ADCY2: variants seen among roughly 807,000 people sequenced by gnomAD.
The protein encoded by ADCY2 is adenylate cyclase type 2.
ADCY2 carries 31 observed loss-of-function variants against 125.2 expected under a neutral mutation model. That is an observed-to-expected ratio of 0.25 (90% CI 0.19 to 0.33). The LOEUF (loss-of-function observed/expected upper bound fraction) is 0.33. Among genes scored for constraint, ADCY2 ranks in the 10% least tolerant of loss-of-function variants. The pLI is 1.00. For synonymous variants in ADCY2, 512 were observed against 548.4 expected (o/e 0.93, Z 0.93); for missense variants, 904 against 1,418.2 (o/e 0.64, Z 5.82).
intron 2 of ADCY2, among the ~76,000 whole-genome samples, chr5:7,424,254 C>T (rs1740311028): frequency 6.6e-6 from 1 of 152,222 alleles, no homozygotes; most frequent in Admixed American, 6.5e-5. Flanking sequence ...TTCCAAGGTC[C>T]TCCAGTAGCA....
At position 7,802,424 on chromosome 5, in the gene ADCY2, T is replaced by C. The variant is rs974149002; in HGVS notation, c.2775+60T>C. 1.9e-6 allele frequency: 3 copies of C among 1,567,342 alleles called. No individual in the cohort carries two copies. The highest frequency in any genetic ancestry group is 2.6e-6 in the Non-Finnish European group (3 of 1,155,808). The stretch of plus-strand genomic sequence containing the variant: ...TACACTCAGTCTCACACCTGTGCAC[T>C]TGAAGTTACTTCAGGATAGTGGCCT... On this transcript the variant is annotated intron_variant, in intron 21 of 24. Transcript: ENST00000338316. This position sits in a 1 kb window ranked among gnomAD's most constrained non-coding sequence, Gnocchi z 4.6.
chr5:7,734,866 A>G (rs147139419), intron 14 of ADCY2, among the ~76,000 whole-genome samples: 606 of 152,306 alleles, frequency 4.0e-3, no homozygotes, highest in African/African-American at 0.014. Context: ...GGGTGCCAGC[A>G]TGGGTGGGAT....
At chr5:7,660,626 G>T (rs1739495166) in intron 4 of ADCY2, among the ~76,000 whole-genome samples, 1 of 152,172 alleles carries the variant, frequency 6.6e-6, no homozygotes, top group Non-Finnish European at 1.5e-5. Flanking sequence ...GACATAGGTA[G>T]AATTTCCATT....
chr5:7,438,742 A>G (rs79424190), intron 2 of ADCY2, among the ~76,000 whole-genome samples: 2,586 of 152,300 alleles, frequency 0.017, 76 homozygotes, highest in African/African-American at 0.058. Context: ...TTGATGGTTA[A>G]TAAATCCTTT....
intron 4 of ADCY2, among the ~76,000 whole-genome samples, chr5:7,670,961 C>A (rs1439831640): frequency 6.6e-6 from 1 of 152,144 alleles, no homozygotes; most frequent in Non-Finnish European, 1.5e-5. Context: ...TATTCCATAT[C>A]CCATGTGATA....
chr5:7,425,988 G>A lies in ADCY2; in HGVS notation c.408+11218G>A, dbSNP rs115256060. Among the ~76,000 whole-genome samples, 673 of 152,226 alleles carry A rather than the reference G, an allele frequency of 4.4e-3. 7 individuals are homozygous for A. Among genetic ancestry groups the A allele is most frequent in the African/African-American group, 0.016 (655 of 41,512 alleles). ...TCAGGCCCAGCCTTTGTGTCATCTT[G>A]CTCACAACTGGTATTCCCAACCCCC... On this transcript the variant is annotated intron_variant, in intron 2 of 24. Coordinates refer to ENST00000338316, the MANE Select transcript of ADCY2 (RefSeq NM_020546.3).
intron 1 of ADCY2, among the ~76,000 whole-genome samples, chr5:7,400,964 G>A (rs1739241900): frequency 6.6e-6 from 1 of 152,184 alleles, no homozygotes; most frequent in South Asian, 2.1e-4. Flanking sequence ...TATATACATG[G>A]CACCTTCCTT....
chr5:7,566,564 C>T (rs1236293334), intron 3 of ADCY2, among the ~76,000 whole-genome samples: 1 of 152,074 alleles, frequency 6.6e-6, no homozygotes. Context: ...ATAGGACACT[C>T]CCAAACTCTG....
At chr5:7,656,491 T>C (rs1225405282) in intron 4 of ADCY2, among the ~76,000 whole-genome samples, 1 of 152,220 alleles carries the variant, frequency 6.6e-6, no homozygotes, top group Non-Finnish European at 1.5e-5. Flanking sequence ...GAAAATTAAT[T>C]GGGAAAATTC....
At chr5:7,643,940 C>A (rs111902008) in intron 4 of ADCY2, among the ~76,000 whole-genome samples, 9 of 151,806 alleles carry the variant, frequency 5.9e-5, no homozygotes, top group African/African-American at 2.2e-4. Context: ...TTCTGAGCAT[C>A]TTAGAATACC....
At chr5:7,408,970 G>A (rs1260357622) in intron 1 of ADCY2, among the ~76,000 whole-genome samples, 1 of 152,106 alleles carries the variant, frequency 6.6e-6, no homozygotes, top group Non-Finnish European at 1.5e-5. Flanking sequence ...CAAAGACATG[G>A]AATCAACCTA....
intron 16 of ADCY2, among the ~76,000 whole-genome samples, chr5:7,761,295 A>G (rs951710144): frequency 6.7e-6 from 1 of 148,422 alleles, no homozygotes; most frequent in Non-Finnish European, 1.5e-5. Context: ...GATTTCAGGC[A>G]CCCACCACTA....
intron 21 of ADCY2, among the ~76,000 whole-genome samples, chr5:7,803,569 A>T (rs1744667380): frequency 6.6e-6 from 1 of 152,128 alleles, no homozygotes; most frequent in Non-Finnish European, 1.5e-5. Context: ...AGGAGGAGTC[A>T]AGTGGGACGC....
intron 3 of ADCY2, among the ~76,000 whole-genome samples, chr5:7,569,318 G>C (rs4404651): frequency 0.42 from 63,969 of 151,942 alleles, 14,614 homozygotes; most frequent in Non-Finnish European, 0.5. Context: ...ACCTGCTAAG[G>C]GTGGGTTGAC....
At chr5:7,486,802 T>A (rs1742950353) in intron 2 of ADCY2, among the ~76,000 whole-genome samples, 4 of 152,222 alleles carry the variant, frequency 2.6e-5, no homozygotes, top group Admixed American at 1.3e-4. Flanking sequence ...CGATCAGAAG[T>A]TTGTTAGATG....
chr5:7,486,812 G>T (rs1377230037), intron 2 of ADCY2, among the ~76,000 whole-genome samples: 1 of 152,202 alleles, frequency 6.6e-6, no homozygotes, highest in Admixed American at 6.5e-5. Context: ...TTTGTTAGAT[G>T]TGAGCTAAAA....
In ADCY2 at chr5:7,759,292, G is replaced by A. The variant is rs575523543; in HGVS notation, c.2094+1706G>A. Among the ~76,000 whole-genome samples the A allele has an allele frequency of 4.1e-3, 631 of 152,332 alleles. 5 individuals carry two copies. Among genetic ancestry groups the A allele is most frequent in the African/African-American group, 0.013 (560 of 41,578 alleles). On this transcript the variant is annotated intron_variant, in intron 16 of 24. Coordinates refer to ENST00000338316, the MANE Select transcript of ADCY2 (RefSeq NM_020546.3). Reference sequence around the variant, plus strand: ...GAAAGAACATGAGGCCAGCCCTGATGTGGGCTCCCCAGGCATGCGGGCCAC... The same window carrying A: ...GAAAGAACATGAGGCCAGCCCTGATATGGGCTCCCCAGGCATGCGGGCCAC...
chr5:7,703,030 C>T (rs1477820738), intron 7 of ADCY2, among the ~76,000 whole-genome samples: 29 of 152,172 alleles, frequency 1.9e-4, no homozygotes, highest in East Asian at 3.9e-4. Flanking sequence ...TGTCTTCTTT[C>T]GAGAAGTGTC....
intron 3 of ADCY2, among the ~76,000 whole-genome samples, chr5:7,524,476 C>T (rs1734375099): frequency 6.6e-6 from 1 of 152,150 alleles, no homozygotes; most frequent in Non-Finnish European, 1.5e-5. Flanking sequence ...CCAGCTTTCC[C>T]TACAATGTCT....
Sources: allele counts gnomAD v4.1 joint callset (sites outside exome capture counted in the v4.1 genomes callset), GRCh38; gene constraint gnomAD v4.1.1; non-coding constraint Gnocchi (gnomAD v3.1); transcripts MANE v1.5; gene names NCBI Gene and HGNC (gene_info 2026-07-23, HGNC 2026-07-21).